Variants in PTGFR observed in about 807,000 individuals in gnomAD.
The protein encoded by PTGFR is prostaglandin F receptor, also known as prostaglandin F2-alpha receptor.
Under a neutral mutation model 26.2 loss-of-function variants are expected in PTGFR, and 15 were observed. The ratio of observed to expected loss-of-function variants is 0.57; its 90% CI spans 0.38 to 0.88. The LOEUF (loss-of-function observed/expected upper bound fraction) is 0.88. Ranked by LOEUF, PTGFR falls within the 40% of genes least tolerant of loss-of-function variation. The probability of loss-of-function intolerance (pLI) is 0.00; values close to 1 mark genes in which losing one functional copy is unlikely to be tolerated. For missense variants in PTGFR, 369 were observed against 427.2 expected, an observed-to-expected ratio of 0.86 and a Z score of 1.20; for synonymous variants, 165 against 151.1, an observed-to-expected ratio of 1.09 and a Z score of -0.68.
chr1:78,507,538 CTA>C lies in PTGFR; in HGVS notation c.798+13999_798+14000del, dbSNP rs531646203. On this transcript the variant is annotated intron_variant, in intron 2 of 2. Transcript: ENST00000370757. ...TTTGGAAGTTCCATAGGGATATAGT[CTA>C]TGTCTACTTTGCTAATCATTGTATT... is the stretch of plus-strand genomic sequence containing the variant. 2.8e-3 allele frequency among the ~76,000 whole-genome samples: 424 copies of C among 152,264 alleles called. 3 individuals are homozygous for C. The highest frequency in any genetic ancestry group is 4.5e-3 in the Non-Finnish European group (307 of 68,014).
intron 2 of PTGFR, among the ~76,000 whole-genome samples, chr1:78,520,346 C>A (rs149951797): frequency 6.6e-6 from 1 of 151,866 alleles, no homozygotes; most frequent in South Asian, 2.1e-4. Context: ...GTTTTATTTG[C>A]GAAACCTCTT....
intron 2 of PTGFR, among the ~76,000 whole-genome samples, chr1:78,512,894 TTC>T (rs1650007064): frequency 6.6e-6 from 1 of 152,116 alleles, no homozygotes; most frequent in Admixed American, 6.5e-5. Context: ...GACCTCCCCC[TTC>T]TCTCTCCTGC....
intron 2 of PTGFR, among the ~76,000 whole-genome samples, chr1:78,507,137 C>T (rs114485227): frequency 1.1e-3 from 161 of 152,224 alleles, no homozygotes; most frequent in African/African-American, 3.8e-3. Context: ...TCTTTTGTTT[C>T]CAGGAGAACT....
At chr1:78,529,546 A>G (rs1028042728) in intron 2 of PTGFR, among the ~76,000 whole-genome samples, 3 of 152,196 alleles carry the variant, frequency 2.0e-5, no homozygotes, top group Non-Finnish European at 2.9e-5. Context: ...AGTAAGGCAT[A>G]TATACAAATA....
rs900724367 is a variant in PTGFR, at chr1:78,537,012, G to T, written c.*325G>T. 1.4e-4 allele frequency: 36 copies of T among 253,266 alleles called. No individual in the cohort carries two copies. Among genetic ancestry groups the T allele is most frequent in the South Asian group, 9.3e-4 (12 of 12,860 alleles). 15.7% of individuals were successfully genotyped at this position (253,266 alleles called of 1,614,324 possible). On this transcript the variant is annotated 3_prime_UTR_variant, in exon 3 of 3. Transcript: ENST00000370757. ...TCTAATGCCTTTACTTGGCCTATTT[G>T]CCAGAGAACATCTTAATGCAGCCTG...
rs746278579 is a variant in PTGFR, at chr1:78,536,637, G to T, written c.1030G>T (p.Val344Phe). The change falls in exon 3 of 3, where the codon GTT (valine) becomes TTT (phenylalanine). Residue 344 changes from valine (V) to phenylalanine (F), a missense_variant. Physicochemically the swap from Val to Phe is conservative, Grantham distance 50. Transcript: ENST00000370757. ...TAGTTCCATTAAAAATTCCTTAAAG[G>T]TTGCTGCTATTTCTGAGTCACCAGT... Reference protein sequence around the residue: ...ELSSIKNSLKVAAISESPVAE... With the variant: ...ELSSIKNSLKFAAISESPVAE... The T allele has an allele frequency of 6.2e-7, 1 of 1,612,944 alleles. No homozygotes were observed. Among genetic ancestry groups the T allele is most frequent in the Non-Finnish European group, 8.5e-7 (1 of 1,179,452 alleles).
intron 2 of PTGFR, among the ~76,000 whole-genome samples, chr1:78,501,255 CT>C (rs1649697598): frequency 6.6e-6 from 1 of 152,090 alleles, no homozygotes; most frequent in Admixed American, 6.5e-5. Flanking sequence ...CCAGTTTTAG[CT>C]TTATTTGCTT....
intron 2 of PTGFR, among the ~76,000 whole-genome samples, chr1:78,522,613 T>G (rs1484289274): frequency 1.3e-5 from 2 of 152,136 alleles, no homozygotes; most frequent in Non-Finnish European, 2.9e-5. Context: ...TGTTTTGTTT[T>G]GTTTTAGGCT....
At chr1:78,492,442 G>T (rs1649426940) in intron 1 of PTGFR, among the ~76,000 whole-genome samples, 1 of 152,200 alleles carries the variant, frequency 6.6e-6, no homozygotes, top group African/African-American at 2.4e-5. Context: ...GTGCTCATTT[G>T]CAGAGGGGCC....
Position 78,495,256 on chromosome 1 carries a change from A to C in PTGFR, c.798+1715A>C, listed in dbSNP as rs12078804. Among the ~76,000 whole-genome samples the C allele has an allele frequency of 3.5e-3, 539 of 152,328 alleles. 3 individuals carry two copies. Among genetic ancestry groups the C allele is most frequent in the African/African-American group, 0.012 (491 of 41,584 alleles). Reference sequence around the variant, plus strand: ...CCCAGTAAGAGTCTGATCTGTGATTAAAGTATAGTTGTATGAATTGAATAA... The same window carrying C: ...CCCAGTAAGAGTCTGATCTGTGATTCAAGTATAGTTGTATGAATTGAATAA... On this transcript the variant is annotated intron_variant, in intron 2 of 2. Transcript: ENST00000370757.
At chr1:78,514,577 G>A (rs778209322) in intron 2 of PTGFR, among the ~76,000 whole-genome samples, 14 of 152,032 alleles carry the variant, frequency 9.2e-5, no homozygotes, top group Non-Finnish European at 1.3e-4. Flanking sequence ...TGGGACTTTC[G>A]AGTTAATGCT....
At chr1:78,535,102 G>C (rs1650614166) in intron 2 of PTGFR, among the ~76,000 whole-genome samples, 1 of 152,140 alleles carries the variant, frequency 6.6e-6, no homozygotes, top group Admixed American at 6.6e-5. Context: ...CCTCAGAAGA[G>C]GACTCTATGC....
At position 78,539,427 on chromosome 1, in the gene PTGFR, ATAAC is replaced by A. The variant is rs1422806023; in HGVS notation, c.*2742_*2745del. Reference sequence around the variant, plus strand: ...GTATACCATCATTGTTCCAAATTAAATAACTGTTTTGGGTCAGAATATAAATGCT... The same window carrying A: ...GTATACCATCATTGTTCCAAATTAAATGTTTTGGGTCAGAATATAAATGCT... On this transcript the variant is annotated 3_prime_UTR_variant, in exon 3 of 3. Transcript: ENST00000370757. 1.3e-5 allele frequency: 2 copies of A among 152,486 alleles called. No homozygotes were observed. The highest frequency in any genetic ancestry group is 1.3e-4 in the Admixed American group (2 of 15,240). The allele number at this position is 152,486 out of a possible 1,614,324, so 9.4% of individuals were successfully genotyped here.
At chr1:78,532,364 T>TATATATATATA (rs1650529291) in intron 2 of PTGFR, 1 of 85,214 alleles carries the variant, frequency 1.2e-5, no homozygotes, top group African/African-American at 4.6e-5. Flanking sequence ...GTAAATTCAT[T>TATATATATATA]TATATATATA....
chr1:78,530,947 G>A (rs1650492404), intron 2 of PTGFR, among the ~76,000 whole-genome samples: 1 of 152,136 alleles, frequency 6.6e-6, no homozygotes, highest in African/African-American at 2.4e-5. Context: ...ACCTCTGGGG[G>A]TTTTAGGAGG....
intron 2 of PTGFR, among the ~76,000 whole-genome samples, chr1:78,525,323 T>C (rs950282007): frequency 3.3e-5 from 5 of 151,976 alleles, no homozygotes; most frequent in African/African-American, 7.2e-5. Context: ...CAAATTCAGG[T>C]TTCCCACTAC....
At chr1:78,532,778 G>A (rs996697548) in intron 2 of PTGFR, among the ~76,000 whole-genome samples, 2 of 151,730 alleles carry the variant, frequency 1.3e-5, no homozygotes, top group African/African-American at 2.4e-5. Context: ...CTGTAACTCC[G>A]TGTATATATG....
intron 2 of PTGFR, among the ~76,000 whole-genome samples, chr1:78,506,310 C>T (rs935155741): frequency 6.6e-6 from 1 of 151,476 alleles, no homozygotes; most frequent in African/African-American, 2.4e-5. Context: ...TTTTAATGTG[C>T]TTGTTGGCTA....
chr1:78,537,558 G>GGCAAAAGGT lies in PTGFR; in HGVS notation c.*874_*882dup, dbSNP rs1360793845. 1 of 151,964 alleles carries GGCAAAAGGT rather than the reference G, an allele frequency of 6.6e-6. No homozygotes were observed. The highest frequency in any genetic ancestry group is 1.5e-5 in the Non-Finnish European group (1 of 67,988). The allele number at this position is 151,964 out of a possible 1,614,324, so 9.4% of individuals were successfully genotyped here. A position where few individuals can be genotyped will look rare whatever the true frequency, so the allele number is the denominator to read the frequency against. Reference sequence around the variant, plus strand: ...GCCAATGATAGGTGCAAAGAATATTGGCAAAAGGTGCTTTACCTTGAGCCA... The same window carrying GGCAAAAGGT: ...GCCAATGATAGGTGCAAAGAATATTGGCAAAAGGTGCAAAAGGTGCTTTACCTTGAGCCA... On this transcript the variant is annotated 3_prime_UTR_variant, in exon 3 of 3. Coordinates refer to ENST00000370757, the MANE Select transcript of PTGFR (RefSeq NM_000959.4).
Sources: gnomAD v4.1 joint callset for allele counts (sites outside exome capture counted in the v4.1 genomes callset) on GRCh38, gnomAD v4.1.1 for gene constraint, MANE v1.5 for transcripts, NCBI Gene and HGNC (gene_info 2026-07-23, HGNC 2026-07-21) for gene names.